TMPRSS15: variants seen among roughly 807,000 people sequenced by gnomAD.
The protein encoded by TMPRSS15 is transmembrane serine protease 15.
Under a neutral mutation model 125.3 loss-of-function variants are expected in TMPRSS15, and 128 were observed. The observed-to-expected ratio is 1.02, with a 90% CI of 0.89 to 1.18. The LOEUF is 1.18. Ranked by LOEUF, TMPRSS15 falls within the 50% of genes most tolerant of loss-of-function variation. TMPRSS15 has a pLI of 0.00. For synonymous variants in TMPRSS15, 446 were observed against 423.2 expected (o/e 1.05, Z -0.66); for missense variants, 1,283 against 1,212.7 (o/e 1.06, Z -0.86).
chr21:18,360,942 A>G (rs893587746), intron 7 of TMPRSS15, among the ~76,000 whole-genome samples: 1 of 152,160 alleles, frequency 6.6e-6, no homozygotes, highest in Non-Finnish European at 1.5e-5. Context: ...GACAGCTATC[A>G]TATTCTATAA....
intron 14 of TMPRSS15, among the ~76,000 whole-genome samples, chr21:18,331,189 A>C (rs2075342247): frequency 1.3e-5 from 2 of 152,110 alleles, no homozygotes; most frequent in Admixed American, 6.6e-5. Context: ...ATTTGTCTAC[A>C]ATATTGGCCC....
chr21:18,467,575 T>C (rs1978693199), intron 1 of TMPRSS15, among the ~76,000 whole-genome samples: 1 of 151,734 alleles, frequency 6.6e-6, no homozygotes, highest in South Asian at 2.1e-4. Flanking sequence ...ATACCTAACA[T>C]ACCAGAGTTT....
chr21:18,347,429 G>A (rs2075520526), intron 10 of TMPRSS15, among the ~76,000 whole-genome samples: 1 of 152,056 alleles, frequency 6.6e-6, no homozygotes, highest in Non-Finnish European at 1.5e-5. Flanking sequence ...TAGAGATGGA[G>A]TTTCGCCATG....
chr21:18,453,797 G>A (rs558620027), intron 1 of TMPRSS15, among the ~76,000 whole-genome samples: 1 of 152,152 alleles, frequency 6.6e-6, no homozygotes, highest in Non-Finnish European at 1.5e-5. Flanking sequence ...GTATATATGT[G>A]TATAATATGA....
Position 18,270,084 on chromosome 21 carries a change from C to G in TMPRSS15, c.2945G>C (p.Arg982Thr), listed in dbSNP as rs758094616. The change falls in exon 25 of 25, where the codon AGG becomes ACG. Residue 982 changes from arginine to threonine, a missense_variant. Coordinates refer to ENST00000284885, the MANE Select transcript of TMPRSS15 (RefSeq NM_002772.3). ...GGPLMCQENN[R>T]WFLAGVTSFG... ...TGAGGTCACACCAGCAAGGAACCAC[C>G]TGTTGTTTTCTTGGCACATTAATGG... 16 of 1,613,884 alleles carry G rather than the reference C, an allele frequency of 9.9e-6. No homozygotes were observed. The highest frequency in any genetic ancestry group is 3.3e-5 in the Admixed American group (2 of 59,988).
At position 18,422,681 on chromosome 21, in the gene TMPRSS15, C is replaced by T. The variant is rs749272515; in HGVS notation, c.11-24352G>A. ...ACAAAGCATTTAAATAAATAGCCTA[C>T]GGTATCAAAGCCGATGACTAACATT... On this transcript the variant is annotated intron_variant, in intron 1 of 7. Transcript: ENST00000422787. Among the ~76,000 whole-genome samples, 7 of 152,152 alleles carry T rather than the reference C, an allele frequency of 4.6e-5. 1 individual carries two copies. Among genetic ancestry groups the T allele is most frequent in the Admixed American group, 1.3e-4 (2 of 15,270 alleles).
chr21:18,393,448 C>G lies in TMPRSS15; in HGVS notation c.344+4431G>C, dbSNP rs549374355. ...AAAAAGATTCCTAATTTTTGTTAGT[C>G]ACATTACATGAGAAAATTAAATTTA... On this transcript the variant is annotated intron_variant, in intron 3 of 24. Coordinates refer to ENST00000284885, the MANE Select transcript of TMPRSS15 (RefSeq NM_002772.3). Among the ~76,000 whole-genome samples, 16 of 152,216 alleles carry G rather than the reference C, an allele frequency of 1.1e-4. No homozygotes were observed. The South Asian group carries it at 3.3e-3, about 32-fold the overall frequency.
intron 14 of TMPRSS15, among the ~76,000 whole-genome samples, chr21:18,331,072 CAA>C (rs34006357): frequency 1.3e-4 from 12 of 89,712 alleles, no homozygotes; most frequent in Admixed American, 3.8e-4. Context: ...GACTCCATCT[CAA>C]AAAAAAAAAA....
At chr21:18,355,291 G>T (rs571412590) in intron 8 of TMPRSS15, among the ~76,000 whole-genome samples, 2 of 151,834 alleles carry the variant, frequency 1.3e-5, no homozygotes, top group African/African-American at 4.8e-5. Flanking sequence ...GGCTGGCTTT[G>T]AATGTGGTTG....
intron 3 of TMPRSS15, among the ~76,000 whole-genome samples, chr21:18,387,971 G>A (rs531750691): frequency 6.6e-6 from 1 of 152,184 alleles, no homozygotes; most frequent in East Asian, 1.9e-4. Flanking sequence ...TTTCCTATGA[G>A]TGGAATACGT....
At position 18,365,151 on chromosome 21, in the gene TMPRSS15, C is replaced by G. The variant is rs768722235; in HGVS notation, c.762G>C (p.Gln254His). ...PKPSETSVVC[Q>H]WIIRVNQGLS... Reference sequence around the variant, plus strand: ...AGATCTTGTATTACCGTATGATCCACTGGCAGACAACACTTGTTTCAGAAG... The same window carrying G: ...AGATCTTGTATTACCGTATGATCCAGTGGCAGACAACACTTGTTTCAGAAG... Residue 254 changes from glutamine to histidine, a missense_variant, in exon 7 of 25, where the codon CAG (glutamine) becomes CAC (histidine). Gln to His is a conservative substitution (Grantham distance 24). Coordinates refer to ENST00000284885, the MANE Select transcript of TMPRSS15 (RefSeq NM_002772.3). 1 of 1,613,750 alleles carries G rather than the reference C, an allele frequency of 6.2e-7. No homozygotes were observed.
Position 18,397,880 on chromosome 21 carries a change from C to T in TMPRSS15, c.343G>A (p.Glu115Lys). ...AGAAAATTTTTGAGCTATACTCACT[C>T]AAATTGTAAAACTCTTGAGTTCTTA... ...EYKNSRVLQFENGSIIVVFDL... is the reference protein window; with the variant it reads ...EYKNSRVLQFKNGSIIVVFDL... The change falls in exon 3 of 25, where the codon GAA becomes AAA. Residue 115 changes from glutamate (E) to lysine (K), a missense_variant and splice_region_variant. Glu to Lys is a moderately conservative substitution (Grantham distance 56). Coordinates refer to ENST00000284885, the MANE Select transcript of TMPRSS15 (RefSeq NM_002772.3). 6.5e-7 allele frequency: 1 copy of T among 1,536,010 alleles called. No homozygotes were observed. Among genetic ancestry groups the T allele is most frequent in the Non-Finnish European group, 8.9e-7 (1 of 1,125,050 alleles).
chr21:18,334,514 T>C (rs2075373459), intron 13 of TMPRSS15, among the ~76,000 whole-genome samples: 1 of 152,162 alleles, frequency 6.6e-6, no homozygotes, highest in African/African-American at 2.4e-5. Context: ...CAACTAGATA[T>C]ATATTAAGGA....
intron 3 of TMPRSS15, 114 bp downstream of exon 3, chr21:18,397,765 A>G (rs1386901282): frequency 3.4e-6 from 2 of 591,976 alleles, no homozygotes; most frequent in Non-Finnish European, 5.9e-6. Flanking sequence ...TCCTCAAAAA[A>G]TGTTGAAAAA....
chr21:18,436,165 T>C lies in TMPRSS15; in HGVS notation c.11-37836A>G, dbSNP rs539346104. The stretch of plus-strand genomic sequence containing the variant: ...GCTCTGATTTTAGTTATTTCTTGCC[T>C]TCTGCTAGCTTTTGAATGTGTTTGC... On this transcript the variant is annotated intron_variant, in intron 1 of 7. Transcript: ENST00000422787. Among the ~76,000 whole-genome samples the C allele has an allele frequency of 2.0e-4, 31 of 151,426 alleles. No homozygotes were observed. In the East Asian group the frequency reaches 5.6e-3, roughly 27 times the overall value.
At chr21:18,442,990 T>C (rs1047662469) in intron 1 of TMPRSS15, among the ~76,000 whole-genome samples, 4 of 152,186 alleles carry the variant, frequency 2.6e-5, no homozygotes, top group African/African-American at 9.7e-5. Flanking sequence ...TTAATTAGAA[T>C]TAAGTTCAAA....
chr21:18,354,181 A>G (rs887265764), intron 8 of TMPRSS15, among the ~76,000 whole-genome samples: 2 of 151,884 alleles, frequency 1.3e-5, no homozygotes, highest in African/African-American at 4.8e-5. Flanking sequence ...AAGTTCATCT[A>G]AGAAACATTA....
At chr21:18,410,882 A>C (rs966468361) in intron 1 of TMPRSS15, among the ~76,000 whole-genome samples, 3 of 152,276 alleles carry the variant, frequency 2.0e-5, no homozygotes, top group Non-Finnish European at 4.4e-5. Context: ...AACTTTATTC[A>C]GCCAGAATAA....
chr21:18,365,128 A>T lies in TMPRSS15; in HGVS notation c.773+12T>A. ...ATGACTTAAGAACAGAAAATATAAG[A>T]TCTTGTATTACCGTATGATCCACTG... is the stretch of plus-strand genomic sequence containing the variant. On this transcript the variant is annotated intron_variant, in intron 7 of 24. Transcript: ENST00000284885. 2 of 1,603,844 alleles carry T rather than the reference A, an allele frequency of 1.2e-6. No homozygotes were observed. Among genetic ancestry groups the T allele is most frequent in the South Asian group, 2.2e-5 (2 of 90,902 alleles).
Sources: gnomAD v4.1 joint callset for allele counts (sites outside exome capture counted in the v4.1 genomes callset) on GRCh38, gnomAD v4.1.1 for gene constraint, MANE v1.5 for transcripts, NCBI Gene and HGNC (gene_info 2026-07-23, HGNC 2026-07-21) for gene names.